Variants in MYO3B observed in about 807,000 individuals in gnomAD.
MYO3B encodes myosin IIIB, also known as myosin-IIIb.
MYO3B carries 156 observed loss-of-function variants against 174.6 expected under a neutral mutation model. The ratio of observed to expected loss-of-function variants is 0.89; its 90% confidence interval spans 0.78 to 1.02. MYO3B has a LOEUF of 1.02. MYO3B is among the 50% of genes least tolerant of loss of function. The pLI, the probability that MYO3B is intolerant of heterozygous loss-of-function variation, is 0.00. For missense variants in MYO3B, 1,632 were observed against 1,639.4 expected, an observed-to-expected ratio of 1.00 and a Z score of 0.08; for synonymous variants, 563 against 569.1, an observed-to-expected ratio of 0.99 and a Z score of 0.15.
chr2:170,492,911 G>A (rs376535888), intron 25 of MYO3B, among the ~76,000 whole-genome samples: 48 of 152,320 alleles, frequency 3.2e-4, no homozygotes, highest in African/African-American at 9.4e-4. Flanking sequence ...TAGGACAACT[G>A]TGGTGCATTT....
At chr2:170,642,447 C>A (rs554726474) in intron 32 of MYO3B, among the ~76,000 whole-genome samples, 2 of 152,240 alleles carry the variant, frequency 1.3e-5, no homozygotes, top group South Asian at 4.2e-4. Flanking sequence ...TTGTAGCTTT[C>A]CTTTCATCTT....
intron 14 of MYO3B, among the ~76,000 whole-genome samples, chr2:170,388,740 G>GA (rs2094392878): frequency 6.6e-6 from 1 of 152,218 alleles, no homozygotes. Flanking sequence ...TGGCAGTGGA[G>GA]ATGGAGAGAA....
At chr2:170,530,336 A>T (rs1459064965) in intron 30 of MYO3B, among the ~76,000 whole-genome samples, 1 of 152,220 alleles carries the variant, frequency 6.6e-6, no homozygotes, top group African/African-American at 2.4e-5. Context: ...CGCAGGTGGG[A>T]GTGGCCTTCC....
chr2:170,443,014 G>GCC (rs1338863638), intron 22 of MYO3B, among the ~76,000 whole-genome samples: 3 of 152,278 alleles, frequency 2.0e-5, no homozygotes, highest in African/African-American at 7.2e-5. Flanking sequence ...TCAGGTATAT[G>GCC]CCCAGTAATG....
At chr2:170,264,364 A>G (rs914833307) in intron 7 of MYO3B, among the ~76,000 whole-genome samples, 2 of 152,190 alleles carry the variant, frequency 1.3e-5, no homozygotes, top group Non-Finnish European at 2.9e-5. Flanking sequence ...ATCATCCAAG[A>G]GGGTCCTCTC....
chr2:170,417,614 G>T (rs1450129614), intron 22 of MYO3B, among the ~76,000 whole-genome samples: 1 of 152,162 alleles, frequency 6.6e-6, no homozygotes, highest in African/African-American at 2.4e-5. Flanking sequence ...AGGCTCTGAG[G>T]GAGCGTTTGT....
At chr2:170,429,591 AT>A (rs2105880048) in intron 22 of MYO3B, among the ~76,000 whole-genome samples, 1 of 152,322 alleles carries the variant, frequency 6.6e-6, no homozygotes, top group Non-Finnish European at 1.5e-5. Context: ...CTATTATTAA[AT>A]GTCTAATTTT....
intron 22 of MYO3B, among the ~76,000 whole-genome samples, chr2:170,430,063 A>G (rs141300523): frequency 6.7e-6 from 1 of 149,196 alleles, no homozygotes; most frequent in Admixed American, 6.7e-5. Flanking sequence ...TATTGGTTGG[A>G]TGCAAAACTG....
At chr2:170,221,944 T>C (rs181563329) in intron 6 of MYO3B, among the ~76,000 whole-genome samples, 1 of 152,284 alleles carries the variant, frequency 6.6e-6, no homozygotes, top group East Asian at 1.9e-4. Context: ...AAGATTATCT[T>C]AAGAGAGAAA....
At chr2:170,506,004 C>A (rs1214449195) in intron 28 of MYO3B, among the ~76,000 whole-genome samples, 1 of 152,268 alleles carries the variant, frequency 6.6e-6, no homozygotes, top group African/African-American at 2.4e-5. Context: ...GATGTTATCA[C>A]AAGATAACAA....
At chr2:170,488,419 T>G (rs572843044) in intron 25 of MYO3B, among the ~76,000 whole-genome samples, 5 of 152,326 alleles carry the variant, frequency 3.3e-5, no homozygotes, top group East Asian at 3.9e-4. Flanking sequence ...TGTGCCTTTG[T>G]GTCAAACCTG....
chr2:170,344,093 C>T (rs1445854442), intron 8 of MYO3B: 1 of 152,196 alleles, frequency 6.6e-6, no homozygotes, highest in Non-Finnish European at 1.5e-5. Context: ...CCTCATGGGC[C>T]AAGATGACTG....
intron 32 of MYO3B, among the ~76,000 whole-genome samples, chr2:170,558,097 C>A (rs971890824): frequency 6.6e-6 from 1 of 152,126 alleles, no homozygotes. Context: ...GTCAGGAGAT[C>A]AAGACCATCC....
At chr2:170,400,049 T>G in intron 16 of MYO3B, 139 bp from the exon 17 acceptor site, 1 of 1,078,970 alleles carries the variant, frequency 9.3e-7, no homozygotes, top group African/African-American at 1.6e-5. Flanking sequence ...GCAAAGAAGT[T>G]TGGGAAATTT....
chr2:170,400,047 G>A (rs1227224608), intron 16 of MYO3B, 141 bp from the exon 17 acceptor site: 28 of 1,075,208 alleles, frequency 2.6e-5, no homozygotes, highest in Admixed American at 1.7e-4. Flanking sequence ...CTGCAAAGAA[G>A]TTTGGGAAAT....
At chr2:170,389,274 T>C (rs2094396552) in intron 14 of MYO3B, among the ~76,000 whole-genome samples, 1 of 152,088 alleles carries the variant, frequency 6.6e-6, no homozygotes, top group African/African-American at 2.4e-5. Flanking sequence ...CACTGTAGGG[T>C]TCCTGTGTGG....
chr2:170,345,166 A>G lies in MYO3B; in HGVS notation c.815+9716A>G, dbSNP rs538480058. 5 of 152,310 alleles carry G rather than the reference A, an allele frequency of 3.3e-5. No homozygotes were observed. The South Asian group carries it at 8.3e-4, about 25-fold the overall frequency. The allele number at this position is 152,310 out of a possible 1,614,324, so 9.4% of individuals were successfully genotyped here. ...GTTAGAATTTTAATTAAAAATGGAAATGCAGGCTCATGTCACCAGTACTAC... is the reference window on the plus strand; with the variant it reads ...GTTAGAATTTTAATTAAAAATGGAAGTGCAGGCTCATGTCACCAGTACTAC... On this transcript the variant is annotated intron_variant, in intron 8 of 34. Transcript: ENST00000408978.
At chr2:170,391,236 G>A (rs1574902743) in intron 14 of MYO3B, among the ~76,000 whole-genome samples, 1 of 152,040 alleles carries the variant, frequency 6.6e-6, no homozygotes, top group South Asian at 2.1e-4. Context: ...GTAGGCGTTT[G>A]GGCTGCAATA....
intron 6 of MYO3B, among the ~76,000 whole-genome samples, chr2:170,232,110 T>C (rs1171076567): frequency 6.6e-6 from 1 of 152,194 alleles, no homozygotes; most frequent in Non-Finnish European, 1.5e-5. Flanking sequence ...TAATGGAGCA[T>C]CCTAACAACT....
Sources: gnomAD v4.1 joint callset for allele counts (sites outside exome capture counted in the v4.1 genomes callset) on GRCh38, gnomAD v4.1.1 for gene constraint, MANE v1.5 for transcripts, NCBI Gene and HGNC (gene_info 2026-07-23, HGNC 2026-07-21) for gene names.